Variants in EP400 observed in about 807,000 individuals in gnomAD.
The protein encoded by EP400 is E1A-binding protein p400.
In EP400, 105 loss-of-function variants were observed where a neutral mutation model predicts 354.1. The ratio of observed to expected loss-of-function variants is 0.30; its 90% CI spans 0.25 to 0.35. EP400 has a LOEUF of 0.35. Among genes scored for constraint, EP400 ranks in the 10% least tolerant of loss-of-function variants. EP400 has a pLI of 1.00. For synonymous variants in EP400, 1,646 were observed against 1,716.9 expected, an observed-to-expected ratio of 0.96 and a Z score of 1.02; for missense variants, 3,280 against 4,121.0, an observed-to-expected ratio of 0.80 and a Z score of 5.59.
At chr12:132,036,752 A>G (rs949454040) in intron 30 of EP400, among the ~76,000 whole-genome samples, 2 of 152,218 alleles carry the variant, frequency 1.3e-5, no homozygotes, top group Non-Finnish European at 1.5e-5. Flanking sequence ...TATGATGAGC[A>G]TGTAGTAATA....
At chr12:131,987,102 C>T (rs1323323762) in intron 6 of EP400, among the ~76,000 whole-genome samples, 1 of 152,272 alleles carries the variant, frequency 6.6e-6, no homozygotes, top group African/African-American at 2.4e-5. Flanking sequence ...CAAGCTTGAG[C>T]GCTGGGGCCC....
At chr12:131,971,967 T>G (rs544153751) in intron 2 of EP400, among the ~76,000 whole-genome samples, 92 of 152,148 alleles carry the variant, frequency 6.0e-4, no homozygotes, top group Non-Finnish European at 1.0e-3. Context: ...GTATGTGTGA[T>G]GTATTTCCTA....
At chr12:132,009,566 G>A (rs1028694702) in intron 15 of EP400, among the ~76,000 whole-genome samples, 3 of 152,218 alleles carry the variant, frequency 2.0e-5, no homozygotes, top group Admixed American at 6.5e-5. Context: ...GTAAGAGGGT[G>A]TGAGGGGACG....
At chr12:132,071,756 C>G (rs1896074908) in intron 51 of EP400, among the ~76,000 whole-genome samples, 1 of 152,200 alleles carries the variant, frequency 6.6e-6, no homozygotes, top group Admixed American at 6.5e-5. Context: ...TCTGCACTTG[C>G]TCCTCTGCAC....
In EP400 at chr12:132,037,955, A is replaced by T; in HGVS notation, c.6066A>T (p.Arg2022=). The T allele has an allele frequency of 6.2e-7, 1 of 1,614,218 alleles. No homozygotes were observed. The highest frequency in any genetic ancestry group is 8.5e-7 in the Non-Finnish European group (1 of 1,180,032). ...GTAACACACATCTCTGTGTTCAGCG[A>T]ACCATCCAGGAGCTGTTTGAAGTTT... The part of the protein sequence containing the change: ...NDYSMAFLTQ[R]TIQELFEVYS... The change falls in exon 32 of 53, where the codon CGA becomes CGT. Residue 2022 remains arginine, a splice_region_variant and synonymous_variant. Coordinates refer to ENST00000389561, the MANE Select transcript of EP400 (RefSeq NM_015409.5).
chr12:131,963,544 A>G lies in EP400; in HGVS notation c.1335+1590A>G, dbSNP rs557954109. 23 of 1,598,136 alleles carry G rather than the reference A, an allele frequency of 1.4e-5. No homozygotes were observed. The South Asian group carries it at 2.1e-4, about 14-fold the overall frequency. On this transcript the variant is annotated intron_variant, in intron 2 of 52. Transcript: ENST00000389561. ...TATTTCCTCTCAGGTAAAGGTTGTG[A>G]CAGGAAAGGATGGGCAGACTGGGAC...
Position 132,021,444 on chromosome 12 carries a change from C to T in EP400, c.4690+123C>T, listed in dbSNP as rs554431213. On this transcript the variant is annotated intron_variant, in intron 23 of 52. Transcript: ENST00000389561. Reference sequence around the variant, plus strand: ...CTTTGTCTTTCCCCAGCCCCATGCCCGGTGCTGCCTCTCACCAGTGCAGCT... The same window carrying T: ...CTTTGTCTTTCCCCAGCCCCATGCCTGGTGCTGCCTCTCACCAGTGCAGCT... The T allele has an allele frequency of 1.8e-4, 237 of 1,337,542 alleles. No homozygotes were observed. In the African/African-American group the frequency reaches 3.2e-3, roughly 18 times the overall value. 82.9% of individuals were successfully genotyped at this position (1,337,542 alleles called of 1,614,324 possible).
chr12:131,988,665 G>A (rs2136501002), intron 7 of EP400, among the ~76,000 whole-genome samples: 1 of 152,326 alleles, frequency 6.6e-6, no homozygotes. Flanking sequence ...CTAGAAAAGT[G>A]AGAACAAGTG....
intron 45 of EP400, among the ~76,000 whole-genome samples, chr12:132,055,704 G>T (rs896817494): frequency 1.0e-4 from 15 of 146,822 alleles, no homozygotes; most frequent in African/African-American, 3.8e-4. Flanking sequence ...AAGTGTAGGG[G>T]TGTGTGTGTG....
In EP400 at chr12:132,050,171, G is replaced by T; in HGVS notation, c.7201-152G>T. The T allele has an allele frequency of 1.1e-6, 1 of 910,084 alleles. No homozygotes were observed. Among genetic ancestry groups the T allele is most frequent in the Non-Finnish European group, 1.6e-6 (1 of 606,766 alleles). 56.4% of individuals were successfully genotyped at this position (910,084 alleles called of 1,614,324 possible). A position where few individuals can be genotyped will look rare whatever the true frequency, so the allele number is the denominator to read the frequency against. On this transcript the variant is annotated intron_variant, in intron 39 of 52. Transcript: ENST00000389561. The surrounding 1 kb of genome is among the most constrained non-coding windows in gnomAD (Gnocchi z 4.8). ...CTTAATGCCGCTGCTGTTGGGTTAT[G>T]CCTGAACTTGGAAAGAAGGCCCAGG...
rs541624087 is a variant in EP400, at chr12:132,027,724, A to AT, written c.5109+199dup. ...TACGACTGCCACAATCTTTTTTTGT[A>AT]TTTTTTATGTCCTTCTGCAAGTCTT... On this transcript the variant is annotated intron_variant, in intron 26 of 52. Transcript: ENST00000389561. This position sits in a 1 kb window ranked among gnomAD's most constrained non-coding sequence, Gnocchi z 4.9. Among the ~76,000 whole-genome samples, 35 of 152,274 alleles carry AT rather than the reference A, an allele frequency of 2.3e-4. No homozygotes were observed. The East Asian group carries it at 6.4e-3, about 28-fold the overall frequency.
At chr12:132,053,655 T>C (rs1385932195) in intron 43 of EP400, 58 bp downstream of exon 43, 2 of 1,435,356 alleles carry the variant, frequency 1.4e-6, no homozygotes, top group African/African-American at 1.5e-5. Context: ...ACACCTGCAC[T>C]TGATTCAAGT....
At chr12:131,968,653 T>C (rs1892183039) in intron 2 of EP400, among the ~76,000 whole-genome samples, 1 of 152,236 alleles carries the variant, frequency 6.6e-6, no homozygotes, top group Non-Finnish European at 1.5e-5. Flanking sequence ...TCCATTGACC[T>C]GTTTAGGGAG....
chr12:132,029,868 A>C lies in EP400; in HGVS notation c.5549A>C (p.Gln1850Pro). 1 of 1,612,906 alleles carries C rather than the reference A, an allele frequency of 6.2e-7. No homozygotes were observed. Among genetic ancestry groups the C allele is most frequent in the South Asian group, 1.1e-5 (1 of 91,084 alleles). ...LRQTTAPRLLQFPELRLVQFD... is the reference protein window; with the variant it reads ...LRQTTAPRLLPFPELRLVQFD... ...CAGACCACGGCTCCACGCCTGCTGCAGTTCCCTGAGCTGAGGCTGGTGCAG... is the reference window on the plus strand; with the variant it reads ...CAGACCACGGCTCCACGCCTGCTGCCGTTCCCTGAGCTGAGGCTGGTGCAG... Residue 1850 changes from glutamine (Q) to proline (P), a missense_variant, in exon 28 of 53, where the codon CAG becomes CCG. Physicochemically the swap from Gln to Pro is moderately conservative, Grantham distance 76. Coordinates refer to ENST00000389561, the MANE Select transcript of EP400 (RefSeq NM_015409.5). The surrounding 1 kb of genome is among the most constrained non-coding windows in gnomAD (Gnocchi z 4.7).
At chr12:131,955,827 T>C (rs1891678808) in intron 1 of EP400, among the ~76,000 whole-genome samples, 1 of 151,332 alleles carries the variant, frequency 6.6e-6, no homozygotes, top group African/African-American at 2.4e-5. Flanking sequence ...GTATTTTTAG[T>C]AGAGACGGGG....
intron 12 of EP400, among the ~76,000 whole-genome samples, chr12:132,003,134 C>CA (rs57889740): frequency 0.12 from 18,393 of 150,356 alleles, 2,327 homozygotes; most frequent in African/African-American, 0.32. Context: ...TCACTTGAGC[C>CA]CAGGAGTTCA....
At chr12:131,979,595 A>G (rs1892609267) in intron 2 of EP400, 99 bp from the exon 3 acceptor site, 2 of 993,724 alleles carry the variant, frequency 2.0e-6, no homozygotes, top group Non-Finnish European at 2.9e-6. Context: ...GTTATTAGAA[A>G]GGAAGGAGGT....
intron 15 of EP400, among the ~76,000 whole-genome samples, chr12:132,009,140 C>T (rs1893680742): frequency 1.3e-5 from 2 of 151,252 alleles, no homozygotes; most frequent in Admixed American, 1.3e-4. Flanking sequence ...GCCATGTTGC[C>T]AGGTTGGTCT....
Position 132,021,250 on chromosome 12 carries a change from C to G in EP400, c.4619C>G (p.Ser1540Trp). Residue 1540 changes from serine (S) to tryptophan (W), a missense_variant, in exon 23 of 53, where the codon TCG becomes TGG. Ser to Trp is a radical substitution (Grantham distance 177). Around this residue, in one of 20 missense-constraint regions of EP400, gnomAD observed 342 missense variants for 342.7 expected, o/e 1.00. Coordinates refer to ENST00000389561, the MANE Select transcript of EP400 (RefSeq NM_015409.5). ...CCCCCGCCCCAGCCCCAGGCCCCCT[C>G]GCACGCGGCCGGGCAGAGCGCGCTG... ...GQPPPQPQAPSHAAGQSALPQ... is the reference protein window; with the variant it reads ...GQPPPQPQAPWHAAGQSALPQ... 6.5e-7 allele frequency: 1 copy of G among 1,544,906 alleles called. No homozygotes were observed. Among genetic ancestry groups the G allele is most frequent in the South Asian group, 1.2e-5 (1 of 84,720 alleles).
Sources: gnomAD v4.1 joint callset for allele counts (sites outside exome capture counted in the v4.1 genomes callset) on GRCh38, gnomAD v4.1.1 for gene constraint, gnomAD v4.1.1 regional missense constraint, Gnocchi (gnomAD v3.1) non-coding constraint, MANE v1.5 for transcripts, NCBI Gene and HGNC (gene_info 2026-07-23, HGNC 2026-07-21) for gene names.